Variants in TMX3 observed in about 807,000 individuals in gnomAD.
TMX3 encodes the protein protein disulfide-isomerase TMX3.
A neutral mutation model predicts 64.4 loss-of-function variants in TMX3; 40 were observed. The ratio of observed to expected loss-of-function variants is 0.62; its 90% CI spans 0.48 to 0.81. The LOEUF (loss-of-function observed/expected upper bound fraction) is 0.81. TMX3 is among the 30% of genes least tolerant of loss of function. The pLI, the probability that TMX3 is intolerant of heterozygous loss-of-function variation, is 0.00. For missense variants in TMX3, 497 were observed against 534.5 expected (o/e 0.93, Z 0.69); for synonymous variants, 189 against 175.7 (o/e 1.08, Z -0.60).
intron 14 of TMX3, 130 bp downstream of exon 14, chr18:68,680,851 G>C (rs1913351834): frequency 1.3e-6 from 1 of 764,152 alleles, no homozygotes; most frequent in Non-Finnish European, 1.9e-6. Context: ...CAGAAGCAAT[G>C]TATGGAGGTC....
chr18:68,691,469 T>A, intron 8 of TMX3, 108 bp from the exon 9 acceptor site: 1 of 651,558 alleles, frequency 1.5e-6, no homozygotes, highest in Non-Finnish European at 2.5e-6. Context: ...CACATAAAAA[T>A]AACAAAAAAG....
rs771705549 is a variant in TMX3, at chr18:68,684,424, A to G, written c.794+4T>C. ...AAGCTTAAAACTATATCAAGGCATT[A>G]TACCTGGTATGTTCAACTGATGTAT... On this transcript the variant is annotated splice_donor_region_variant and intron_variant, in intron 11 of 15. Transcript: ENST00000299608. 6.2e-7 allele frequency: 1 copy of G among 1,611,938 alleles called. No individual in the cohort carries two copies. The highest frequency in any genetic ancestry group is 1.1e-5 in the South Asian group (1 of 90,976).
intron 7 of TMX3, 23 bp downstream of exon 7, chr18:68,697,909 T>G (rs1412735533): frequency 6.8e-7 from 1 of 1,480,594 alleles, no homozygotes; most frequent in South Asian, 1.2e-5. Context: ...CATCTGTTTT[T>G]GTGGATTAAA....
intron 8 of TMX3, among the ~76,000 whole-genome samples, chr18:68,695,417 T>C (rs1345356210): frequency 6.6e-6 from 1 of 152,224 alleles, no homozygotes; most frequent in African/African-American, 2.4e-5. Flanking sequence ...GACTTAACTC[T>C]AGACCCCTAT....
chr18:68,681,676 G>A, intron 13 of TMX3: 1 of 970,344 alleles, frequency 1.0e-6, no homozygotes, highest in Non-Finnish European at 1.2e-6. Flanking sequence ...TTAGAAAATA[G>A]AAGACACCAA....
At chr18:68,701,360 T>C (rs72955913) in intron 5 of TMX3, among the ~76,000 whole-genome samples, 1 of 152,244 alleles carries the variant, frequency 6.6e-6, no homozygotes, top group Non-Finnish European at 1.5e-5. Context: ...TCACATTTCT[T>C]TCAACTTGTA....
intron 8 of TMX3, 160 bp downstream of exon 8, chr18:68,697,066 A>G (rs1026365045): frequency 6.2e-6 from 3 of 481,026 alleles, no homozygotes; most frequent in African/African-American, 4.0e-5. Flanking sequence ...CCAGTAGTAA[A>G]GAATCAGCAT....
intron 9 of TMX3, chr18:68,688,909 G>C (rs1309758202): frequency 6.6e-6 from 1 of 152,188 alleles, no homozygotes; most frequent in Non-Finnish European, 1.5e-5. Flanking sequence ...GGGAGATGGG[G>C]AGGAGGACAA....
intron 10 of TMX3, among the ~76,000 whole-genome samples, chr18:68,684,824 A>G (rs2145025611): frequency 6.6e-6 from 1 of 152,304 alleles, no homozygotes; most frequent in East Asian, 1.9e-4. Flanking sequence ...TGGCTAAGAT[A>G]ACTATTTTTT....
chr18:68,681,960 G>A (rs1193634424), intron 13 of TMX3, among the ~76,000 whole-genome samples: 1 of 152,144 alleles, frequency 6.6e-6, no homozygotes, highest in African/African-American at 2.4e-5. Flanking sequence ...TCTTCATTCA[G>A]CTAACTTCTC....
At chr18:68,701,813 CA>C in intron 4 of TMX3, 23 bp from the exon 5 acceptor site, 1 of 1,599,386 alleles carries the variant, frequency 6.3e-7, no homozygotes, top group South Asian at 1.1e-5. Context: ...AAGAATAAAG[CA>C]TTCTAAATTT....
intron 14 of TMX3, among the ~76,000 whole-genome samples, chr18:68,680,387 T>C (rs1277931656): frequency 1.3e-5 from 2 of 152,078 alleles, no homozygotes; most frequent in African/African-American, 4.8e-5. Context: ...AGGTTGCAAT[T>C]CACAGTTTGA....
At position 68,676,771 on chromosome 18, in the gene TMX3, CT is replaced by C; in HGVS notation, c.*161del. On this transcript the variant is annotated 3_prime_UTR_variant, in exon 16 of 16. Transcript: ENST00000299608. ...ACTGTTCATCTCTTTGCTCCAAACA[CT>C]TCCCCATGTATGGAGGGACTACTTT... The C allele has an allele frequency of 1.2e-6, 1 of 848,222 alleles. No homozygotes were observed. Among genetic ancestry groups the C allele is most frequent in the East Asian group, 2.7e-5 (1 of 37,362 alleles). 52.5% of individuals were successfully genotyped at this position (848,222 alleles called of 1,614,324 possible). A position where few individuals can be genotyped will look rare whatever the true frequency, so the allele number is the denominator to read the frequency against.
In TMX3 at chr18:68,681,074, A is replaced by G. The variant is rs1274123950; in HGVS notation, c.942T>C (p.Thr314=). The G allele has an allele frequency of 6.2e-7, 1 of 1,601,614 alleles. No individual in the cohort carries two copies. The highest frequency in any genetic ancestry group is 8.5e-7 in the Non-Finnish European group (1 of 1,174,668). Residue 314 remains threonine, a synonymous_variant, in exon 14 of 16, where the codon ACT becomes ACC. Coordinates refer to ENST00000299608, the MANE Select transcript of TMX3 (RefSeq NM_019022.5). ...CTAGCAAGAAATATTGCTGGTTTGAAGTATTCAGTACAACTACAGTTGGGA... is the reference window on the plus strand; with the variant it reads ...CTAGCAAGAAATATTGCTGGTTTGAGGTATTCAGTACAACTACAGTTGGGA... ...LTVPTVVVLN[T]SNQQYFLLDR...
intron 9 of TMX3, among the ~76,000 whole-genome samples, chr18:68,690,253 C>T (rs1473384698): frequency 6.6e-6 from 1 of 152,124 alleles, no homozygotes; most frequent in South Asian, 2.1e-4. Context: ...CCCTATCTGG[C>T]CTCCAACATG....
At chr18:68,699,322 T>C (rs902442676) in intron 6 of TMX3, among the ~76,000 whole-genome samples, 4 of 152,104 alleles carry the variant, frequency 2.6e-5, no homozygotes, top group Non-Finnish European at 5.9e-5. Context: ...TCATTAAAAA[T>C]TTCTCAAACA....
chr18:68,698,660 T>C (rs933787287), intron 6 of TMX3, among the ~76,000 whole-genome samples: 3 of 151,620 alleles, frequency 2.0e-5, no homozygotes, highest in Non-Finnish European at 4.4e-5. Context: ...TCAAAGCAAA[T>C]AGATTGAGCA....
chr18:68,713,000 G>GT (rs1223825209), intron 2 of TMX3, among the ~76,000 whole-genome samples: 31 of 139,702 alleles, frequency 2.2e-4, no homozygotes, highest in Admixed American at 1.5e-3. Flanking sequence ...AAGTCAAGAG[G>GT]TTTAAAAAAA....
chr18:68,681,353 T>C (rs978913797), intron 13 of TMX3: 27 of 636,332 alleles, frequency 4.2e-5, no homozygotes, highest in Admixed American at 5.6e-5. Flanking sequence ...TTTCAAATTA[T>C]CAAAAATCTC....
Sources: gnomAD v4.1 joint callset for allele counts (sites outside exome capture counted in the v4.1 genomes callset) on GRCh38, gnomAD v4.1.1 for gene constraint, MANE v1.5 for transcripts, NCBI Gene and HGNC (gene_info 2026-07-23, HGNC 2026-07-21) for gene names.